Variants in SH3KBP1 observed in about 807,000 individuals in gnomAD.
The protein encoded by SH3KBP1 is SH3 domain containing kinase binding protein 1.
Under a neutral mutation model 50.1 loss-of-function variants are expected in SH3KBP1, and 8 were observed. The ratio of observed to expected loss-of-function variants is 0.16; its 90% CI spans 0.09 to 0.29. The LOEUF (loss-of-function observed/expected upper bound fraction) is 0.29. Ranked by LOEUF, SH3KBP1 falls within the 10% of genes least tolerant of loss-of-function variation. SH3KBP1 has a pLI of 1.00. For synonymous variants in SH3KBP1, 227 were observed against 218.6 expected (o/e 1.04, Z -0.34); for missense variants, 377 against 535.2 (o/e 0.70, Z 2.92).
intron 10 of SH3KBP1, among the ~76,000 whole-genome samples, chrX:19,594,388 A>G (rs185775775): frequency 8.9e-6 from 1 of 112,597 alleles, no homozygotes; most frequent in African/African-American, 3.2e-5. Flanking sequence ...ACAGAAAAAA[A>G]GTGAATTAGA....
intron 2 of SH3KBP1, among the ~76,000 whole-genome samples, chrX:19,755,909 CT>C (rs1222912623): frequency 8.9e-6 from 1 of 111,753 alleles, no homozygotes; most frequent in Non-Finnish European, 1.9e-5. Context: ...GTACCCCCTG[CT>C]TGCTCAAATC....
chrX:19,588,881 TA>T (rs374099976), intron 11 of SH3KBP1, 79 bp from the exon 12 acceptor site: 69,060 of 526,806 alleles, frequency 0.13, 109 homozygotes, highest in East Asian at 0.16. Flanking sequence ...CATTTCCTGC[TA>T]AAAAAAAAAA....
intron 2 of SH3KBP1, 37 bp from the exon 3 acceptor site, chrX:19,746,478 T>C (rs752191029): frequency 6.0e-6 from 7 of 1,168,142 alleles, no homozygotes; most frequent in African/African-American, 3.6e-5. Flanking sequence ...AGATTATAGT[T>C]TGAAACTTTA....
chrX:19,681,574 C>A (rs1415615624), intron 6 of SH3KBP1, among the ~76,000 whole-genome samples: 2 of 110,883 alleles, frequency 1.8e-5, no homozygotes, highest in Non-Finnish European at 3.8e-5. Context: ...ATATTTAGTA[C>A]CAGGAAGGGG....
At chrX:19,726,460 T>C (rs745478518) in intron 3 of SH3KBP1, among the ~76,000 whole-genome samples, 13 of 111,785 alleles carry the variant, frequency 1.2e-4, no homozygotes, top group Non-Finnish European at 9.4e-5. Context: ...GCGTACTGAT[T>C]GCATTAAGGT....
At chrX:19,883,819 A>T (rs936608444) in intron 1 of SH3KBP1, among the ~76,000 whole-genome samples, 2 of 111,619 alleles carry the variant, frequency 1.8e-5, no homozygotes, top group African/African-American at 6.5e-5. Flanking sequence ...TGCTTTACCA[A>T]CCATAGCTGT....
chrX:19,601,144 T>A (rs1472425809), intron 9 of SH3KBP1, among the ~76,000 whole-genome samples: 1 of 112,184 alleles, frequency 8.9e-6, no homozygotes, highest in East Asian at 2.8e-4. Context: ...CGTCTGTGTC[T>A]GCTTGTGTGC....
chrX:19,670,446 G>A, intron 6 of SH3KBP1: 1 of 588,611 alleles, frequency 1.7e-6, no homozygotes, highest in Non-Finnish European at 2.0e-6. Context: ...TTTGTTTACT[G>A]CACAAACATC....
intron 2 of SH3KBP1, among the ~76,000 whole-genome samples, chrX:19,795,047 T>C (rs1194871785): frequency 8.9e-6 from 1 of 112,337 alleles, no homozygotes; most frequent in Non-Finnish European, 1.9e-5. Flanking sequence ...TTAAGTTGTA[T>C]TAATTAATGC....
intron 6 of SH3KBP1, among the ~76,000 whole-genome samples, chrX:19,667,432 T>C (rs182528521): frequency 8.1e-5 from 9 of 111,110 alleles, no homozygotes. Flanking sequence ...AAAACCTGTC[T>C]GGGGGCAACA....
intron 2 of SH3KBP1, among the ~76,000 whole-genome samples, chrX:19,753,527 C>G (rs2065127686): frequency 9.1e-6 from 1 of 110,244 alleles, no homozygotes; most frequent in Admixed American, 9.6e-5. Flanking sequence ...GTCTGAGGAA[C>G]AGCTGCCCCG....
At chrX:19,760,041 C>CCTCTCCCTCTCCCTCTCCCTCTCTCT (rs1556346157) in intron 2 of SH3KBP1, among the ~76,000 whole-genome samples, 3 of 50,449 alleles carry the variant, frequency 5.9e-5, no homozygotes, top group African/African-American at 2.8e-4. Flanking sequence ...TCTCTCTCTC[C>CCTCTCCCTCTCCCTCTCCCTCTCTCT]CTCTCTCTCT....
chrX:19,643,147 A>C (rs2061900445), intron 7 of SH3KBP1, among the ~76,000 whole-genome samples: 1 of 109,097 alleles, frequency 9.2e-6, no homozygotes, highest in African/African-American at 3.3e-5. Flanking sequence ...TCGTATCAAA[A>C]TCCCGAAGCA....
chrX:19,709,433 C>G (rs1441721964), intron 3 of SH3KBP1, among the ~76,000 whole-genome samples: 3 of 111,964 alleles, frequency 2.7e-5, no homozygotes, highest in Non-Finnish European at 5.6e-5. Flanking sequence ...AAAATAAAAG[C>G]CAGAATGGGC....
chrX:19,638,925 T>C (rs961453681), intron 7 of SH3KBP1, among the ~76,000 whole-genome samples: 1 of 111,968 alleles, frequency 8.9e-6, no homozygotes, highest in Non-Finnish European at 1.9e-5. Flanking sequence ...AGTTTGAAAC[T>C]AGGGCTTCCC....
chrX:19,594,649 A>T (rs1480714865), intron 10 of SH3KBP1, among the ~76,000 whole-genome samples: 1 of 111,800 alleles, frequency 8.9e-6, no homozygotes, highest in African/African-American at 3.3e-5. Context: ...CTGTTTACTT[A>T]AAAAAACCCA....
chrX:19,766,016 T>G (rs2065593315), intron 2 of SH3KBP1, among the ~76,000 whole-genome samples: 1 of 112,001 alleles, frequency 8.9e-6, no homozygotes, highest in East Asian at 2.8e-4. Context: ...TCAATTCTTT[T>G]GGATATATAC....
chrX:19,594,963 A>G lies in SH3KBP1; in HGVS notation c.1043T>C (p.Ile348Thr). 14 of 1,203,207 alleles carry G rather than the reference A, an allele frequency of 1.2e-5. No individual in the cohort carries two copies. The highest frequency in any genetic ancestry group is 1.5e-5 in the Non-Finnish European group (13 of 887,739). Residue 348 changes from isoleucine (I) to threonine (T), a missense_variant, in exon 10 of 18, where the codon ATC (isoleucine) becomes ACC (threonine). By Grantham distance (89) the Ile-to-Thr change is moderately conservative. This residue lies in a region of SH3KBP1 where 257 missense variants were observed against 374.2 expected (regional missense o/e 0.69). Coordinates refer to ENST00000397821, the MANE Select transcript of SH3KBP1 (RefSeq NM_031892.3). Reference protein sequence around the residue: ...KKPPPPSAPVIKQGAGTTERK... With the variant: ...KKPPPPSAPVTKQGAGTTERK... Reference sequence around the variant, plus strand: ...AGGTACATTACCTGCCCCTTGTTTGATGACAGGAGCGGATGGAGGCGGTGG... The same window carrying G: ...AGGTACATTACCTGCCCCTTGTTTGGTGACAGGAGCGGATGGAGGCGGTGG...
intron 8 of SH3KBP1, among the ~76,000 whole-genome samples, chrX:19,618,398 A>AAAAAAC (rs1569346564): frequency 9.3e-6 from 1 of 107,214 alleles, no homozygotes; most frequent in African/African-American, 3.4e-5. Flanking sequence ...AAAAAAAAAA[A>AAAAAAC]AAAAAAAAAA....
Sources: allele counts gnomAD v4.1 joint callset (sites outside exome capture counted in the v4.1 genomes callset), GRCh38; gene constraint gnomAD v4.1.1; regional missense constraint gnomAD v4.1.1; transcripts MANE v1.5; gene names NCBI Gene and HGNC (gene_info 2026-07-23, HGNC 2026-07-21).